The following RIC8B variants were observed in gnomAD, a reference collection of about 807,000 sequenced individuals.
RIC8B encodes the protein chaperone Ric-8B.
RIC8B carries 16 observed loss-of-function variants against 57.5 expected under a neutral mutation model. The ratio of observed to expected loss-of-function variants is 0.28; its 90% CI spans 0.19 to 0.42. The LOEUF is 0.42. RIC8B is among the 10% of genes least tolerant of loss of function. RIC8B has a pLI of 1.00. For synonymous variants in RIC8B, 216 were observed against 250.8 expected (o/e 0.86, Z 1.31); for missense variants, 481 against 677.0 (o/e 0.71, Z 3.21).
chr12:106,823,828 G>A (rs1292829559), intron 3 of RIC8B, among the ~76,000 whole-genome samples: 1 of 152,036 alleles, frequency 6.6e-6, no homozygotes, highest in Non-Finnish European at 1.5e-5. Flanking sequence ...GGGATTAACA[G>A]GCTTGCACCA....
intron 6 of RIC8B, among the ~76,000 whole-genome samples, chr12:106,849,373 G>C (rs931646782): frequency 6.8e-6 from 1 of 145,996 alleles, no homozygotes; most frequent in Non-Finnish European, 1.5e-5. Flanking sequence ...GGCTGGTCTC[G>C]AGCTCCTGGT....
intron 2 of RIC8B, among the ~76,000 whole-genome samples, chr12:106,812,454 T>C (rs2045376865): frequency 6.6e-6 from 1 of 151,744 alleles, no homozygotes; most frequent in African/African-American, 2.4e-5. Flanking sequence ...TGTTTTTTTT[T>C]TTTTAATTTT....
chr12:106,870,997 G>C (rs773553570), intron 9 of RIC8B, 55 bp downstream of exon 9: 1 of 1,514,778 alleles, frequency 6.6e-7, no homozygotes, highest in South Asian at 1.3e-5. Context: ...CTATTTCTTT[G>C]TCTCTCTCAC....
At chr12:106,861,236 T>G (rs913590353) in intron 8 of RIC8B, among the ~76,000 whole-genome samples, 1 of 152,072 alleles carries the variant, frequency 6.6e-6, no homozygotes, top group Admixed American at 6.6e-5. Context: ...ATGGTGACAT[T>G]GACATGCTGT....
intron 8 of RIC8B, among the ~76,000 whole-genome samples, chr12:106,869,799 C>T (rs919536905): frequency 1.3e-5 from 2 of 151,954 alleles, no homozygotes; most frequent in African/African-American, 4.8e-5. Flanking sequence ...ATTAGCCAGG[C>T]GTGGTGACAC....
At chr12:106,820,171 T>C (rs1027429075) in intron 3 of RIC8B, among the ~76,000 whole-genome samples, 5 of 152,238 alleles carry the variant, frequency 3.3e-5, no homozygotes, top group Non-Finnish European at 2.9e-5. Flanking sequence ...ATGACCACTT[T>C]CATTTACAGT....
At position 106,867,599 on chromosome 12, in the gene RIC8B, A is replaced by AATC. The variant is rs1950192111; in HGVS notation, c.1452-3223_1452-3221dup. ...GTCAGGTATTTGTTCCACCAAAAGT[A>AATC]ATCTATTTTATGAAATCTCACGTCT... On this transcript the variant is annotated intron_variant, in intron 8 of 9. Coordinates refer to ENST00000392837, the MANE Select transcript of RIC8B (RefSeq NM_001330145.2). The surrounding 1 kb of genome is among the most constrained non-coding windows in gnomAD (Gnocchi z 4.3). 6.6e-6 allele frequency among the ~76,000 whole-genome samples: 1 copy of AATC among 152,192 alleles called. No homozygotes were observed. Among genetic ancestry groups the AATC allele is most frequent in the Admixed American group, 6.6e-5 (1 of 15,258 alleles).
At chr12:106,832,566 GAA>G (rs5800719) in intron 4 of RIC8B, among the ~76,000 whole-genome samples, 2 of 143,338 alleles carry the variant, frequency 1.4e-5, no homozygotes, top group Admixed American at 7.0e-5. Flanking sequence ...GACTCTGTAT[GAA>G]AAAAAAAAAA....
At chr12:106,806,624 G>A (rs2045037157) in intron 2 of RIC8B, among the ~76,000 whole-genome samples, 1 of 152,118 alleles carries the variant, frequency 6.6e-6, no homozygotes, top group African/African-American at 2.4e-5. Context: ...GAGGTCAGGA[G>A]TTGGAGACCA....
intron 9 of RIC8B, among the ~76,000 whole-genome samples, chr12:106,878,407 A>G (rs1272449938): frequency 6.6e-6 from 1 of 152,134 alleles, no homozygotes; most frequent in African/African-American, 2.4e-5. Context: ...ACTATCCATG[A>G]TACTGAAATC....
chr12:106,810,289 G>C (rs1274328065), intron 2 of RIC8B, among the ~76,000 whole-genome samples: 1 of 140,650 alleles, frequency 7.1e-6, no homozygotes, highest in Non-Finnish European at 1.5e-5. Context: ...CATACAGCTG[G>C]TAAAAAAAAA....
chr12:106,869,867 A>G (rs1950322049), intron 8 of RIC8B, among the ~76,000 whole-genome samples: 1 of 152,190 alleles, frequency 6.6e-6, no homozygotes, highest in Non-Finnish European at 1.5e-5. Flanking sequence ...TGAACCCAGG[A>G]AGCAGAGGTT....
chr12:106,885,412 T>C (rs1300040704), intron 9 of RIC8B, among the ~76,000 whole-genome samples: 1 of 152,120 alleles, frequency 6.6e-6, no homozygotes, highest in Non-Finnish European at 1.5e-5. Context: ...TGAATCAACA[T>C]GTACTTACAT....
chr12:106,819,053 C>T (rs994889079), intron 3 of RIC8B, among the ~76,000 whole-genome samples: 9 of 152,236 alleles, frequency 5.9e-5, no homozygotes, highest in African/African-American at 2.2e-4. Context: ...GTGTCAGCCA[C>T]TGCGCCCAGC....
intron 2 of RIC8B, among the ~76,000 whole-genome samples, chr12:106,789,758 C>T (rs1331391604): frequency 6.6e-6 from 1 of 152,122 alleles, no homozygotes; most frequent in Non-Finnish European, 1.5e-5. Context: ...ATATCACTCC[C>T]CTCGTTCTCT....
intron 2 of RIC8B, among the ~76,000 whole-genome samples, chr12:106,814,408 ACTT>A (rs557143050): frequency 9.5e-4 from 145 of 152,278 alleles, no homozygotes; most frequent in African/African-American, 3.3e-3. Flanking sequence ...AGAAATGCAT[ACTT>A]CTTTAAGTCT....
At chr12:106,885,769 G>A (rs1254624532) in intron 9 of RIC8B, 135 bp from the exon 10 acceptor site, 32 of 582,992 alleles carry the variant, frequency 5.5e-5, no homozygotes, top group Non-Finnish European at 9.0e-5. Flanking sequence ...AACACACAGA[G>A]AAAGCTCAAG....
intron 2 of RIC8B, among the ~76,000 whole-genome samples, chr12:106,812,765 G>A (rs1008863069): frequency 6.6e-6 from 1 of 151,882 alleles, no homozygotes; most frequent in African/African-American, 2.4e-5. Context: ...TAATTAATGG[G>A]CACATTATAC....
intron 3 of RIC8B, 70 bp from the exon 4 acceptor site, chr12:106,825,656 A>T: frequency 1.8e-6 from 2 of 1,085,356 alleles, no homozygotes; most frequent in Non-Finnish European, 1.4e-6. Context: ...CAAGAGATGT[A>T]GTAAAGTAGC....
Sources: allele counts gnomAD v4.1 joint callset (sites outside exome capture counted in the v4.1 genomes callset), GRCh38; gene constraint gnomAD v4.1.1; non-coding constraint Gnocchi (gnomAD v3.1); transcripts MANE v1.5; gene names NCBI Gene and HGNC (gene_info 2026-07-23, HGNC 2026-07-21).